The following MAST2 variants were observed in gnomAD, a reference collection of about 807,000 sequenced individuals.
The protein encoded by MAST2 is microtubule associated serine/threonine kinase 2.
MAST2 carries 70 observed loss-of-function variants against 147.4 expected under a neutral mutation model. That is an observed-to-expected ratio of 0.47 (90% CI 0.39 to 0.58). The LOEUF (loss-of-function observed/expected upper bound fraction) is 0.58, where lower values mean the gene tolerates loss of function less well. Among genes scored for constraint, MAST2 ranks in the 20% least tolerant of loss-of-function variants. The pLI is 0.00. For synonymous variants in MAST2, 869 were observed against 896.8 expected (o/e 0.97, Z 0.55); for missense variants, 2,080 against 2,302.3 (o/e 0.90, Z 1.98).
At chr1:45,924,423 G>A (rs1449901966) in intron 4 of MAST2, among the ~76,000 whole-genome samples, 6 of 152,118 alleles carry the variant, frequency 3.9e-5, no homozygotes, top group African/African-American at 9.7e-5. Flanking sequence ...GTGCATAAGT[G>A]AAGAACTGAA....
intron 7 of MAST2, among the ~76,000 whole-genome samples, chr1:46,004,857 A>G (rs1645420664): frequency 6.6e-6 from 1 of 152,190 alleles, no homozygotes; most frequent in South Asian, 2.1e-4. Context: ...GAGAGGTCAA[A>G]GCAGGAGTTC....
chr1:45,909,810 C>G (rs1651381731), intron 4 of MAST2, among the ~76,000 whole-genome samples: 1 of 151,874 alleles, frequency 6.6e-6, no homozygotes, highest in African/African-American at 2.4e-5. Flanking sequence ...GCCACCCCAC[C>G]TGGCCCTTTC....
intron 4 of MAST2, among the ~76,000 whole-genome samples, chr1:45,925,862 C>T (rs1226597773): frequency 6.6e-6 from 1 of 152,204 alleles, no homozygotes; most frequent in Admixed American, 6.5e-5. Context: ...TCCAGTGGTA[C>T]CAATTTAGTT....
intron 4 of MAST2, among the ~76,000 whole-genome samples, chr1:45,944,239 C>A (rs765002505): frequency 4.6e-5 from 7 of 152,084 alleles, no homozygotes; most frequent in Non-Finnish European, 7.4e-5. Flanking sequence ...TGTAAGCCAC[C>A]CACATTTTAA....
intron 4 of MAST2, among the ~76,000 whole-genome samples, chr1:45,935,828 T>G (rs1302179311): frequency 1.3e-5 from 2 of 152,204 alleles, no homozygotes; most frequent in East Asian, 3.9e-4. Flanking sequence ...GTATAATGCC[T>G]CTGGAATTGT....
rs1283443577 is a variant in MAST2, at chr1:45,984,359, A to C, written c.593-13365A>C. Among the ~76,000 whole-genome samples, 6 of 150,996 alleles carry C rather than the reference A, an allele frequency of 4.0e-5. No individual in the cohort carries two copies. The East Asian group carries it at 7.8e-4, about 20-fold the overall frequency. On this transcript the variant is annotated intron_variant, in intron 5 of 28. Coordinates refer to ENST00000361297, the MANE Select transcript of MAST2 (RefSeq NM_015112.3). ...CATTCTTTCAACTAGGCTACAGTGC[A>C]GTGACACAATCGTGGCTCACTGCAG...
chr1:45,939,542 TG>T (rs869310576), intron 4 of MAST2, among the ~76,000 whole-genome samples: 5 of 134,106 alleles, frequency 3.7e-5, no homozygotes, highest in African/African-American at 5.4e-5. Flanking sequence ...AATTTTTTTT[TG>T]GGGGGGTGGG....
chr1:45,930,512 T>C (rs912008035), intron 4 of MAST2, among the ~76,000 whole-genome samples: 3 of 152,176 alleles, frequency 2.0e-5, no homozygotes, highest in Non-Finnish European at 4.4e-5. Context: ...TACATTCAAC[T>C]GCATACTAGG....
rs1557883752 is a variant in MAST2 at position 45,900,444 on chromosome 1, A to ATTTTT, written c.500+18050_500+18051insTTTTT. On this transcript the variant is annotated intron_variant, in intron 4 of 28. Transcript: ENST00000361297. ...TTTCTCTGATGATTAGTGATGTTGG[A>ATTTTT]TATTTTTTTTTTTTTTTTTTTTTTT... 1.3e-3 allele frequency among the ~76,000 whole-genome samples: 20 copies of ATTTTT among 14,878 alleles called. 4 individuals are homozygous for ATTTTT. The highest frequency in any genetic ancestry group is 4.5e-3 in the African/African-American group (10 of 2,228). The allele number at this position is 14,878 out of a possible 152,430, so 9.8% of individuals were successfully genotyped here. A position where few individuals can be genotyped will look rare whatever the true frequency, so the allele number is the denominator to read the frequency against.
intron 9 of MAST2, among the ~76,000 whole-genome samples, chr1:46,009,466 C>T (rs926080203): frequency 7.9e-5 from 12 of 152,204 alleles, no homozygotes; most frequent in African/African-American, 2.9e-4. Context: ...AGAACCTGTG[C>T]CCTGTGGTCT....
Position 46,029,814 on chromosome 1 carries a change from G to GT in MAST2, c.2321-16dup, listed in dbSNP as rs771290156. Reference sequence around the variant, plus strand: ...CTGCTCATCCTACCCCCTTGCCCATGTCCTCCCTGTCCACAGGCAGTGCCT... The same window carrying GT: ...CTGCTCATCCTACCCCCTTGCCCATGTTCCTCCCTGTCCACAGGCAGTGCCT... On this transcript the variant is annotated splice_polypyrimidine_tract_variant and intron_variant, in intron 19 of 28. Transcript: ENST00000361297. The GT allele has an allele frequency of 3.1e-6, 5 of 1,613,438 alleles. No individual in the cohort carries two copies. The highest frequency in any genetic ancestry group is 1.7e-4 in the Middle Eastern group (1 of 6,044).
intron 3 of MAST2, among the ~76,000 whole-genome samples, chr1:45,879,700 A>T (rs969973658): frequency 6.6e-6 from 1 of 152,152 alleles, no homozygotes; most frequent in Non-Finnish European, 1.5e-5. Context: ...TTATAATTCA[A>T]TAGTAAAAAG....
intron 1 of MAST2, among the ~76,000 whole-genome samples, chr1:45,810,886 T>C (rs1473547044): frequency 1.4e-5 from 2 of 141,678 alleles, no homozygotes; most frequent in African/African-American, 5.2e-5. Context: ...GCAGTCTTGC[T>C]CTGTGGCCCA....
At position 46,034,862 on chromosome 1, in the gene MAST2, G is replaced by T. The variant is rs200033050; in HGVS notation, c.4193G>T (p.Arg1398Leu). 4 of 1,614,068 alleles carry T rather than the reference G, an allele frequency of 2.5e-6. No individual in the cohort carries two copies. The African/African-American group carries it at 4.0e-5, about 16-fold the overall frequency. The part of the protein sequence containing the change: ...LSRPKSAEPP[R>L]SPLLKRVQSA... Reference sequence around the variant, plus strand: ...CGGCCCAAGAGTGCGGAGCCACCCCGTTCACCACTACTCAAGAGGGTGCAG... The same window carrying T: ...CGGCCCAAGAGTGCGGAGCCACCCCTTTCACCACTACTCAAGAGGGTGCAG... Residue 1398 changes from arginine to leucine, a missense_variant, in exon 29 of 29, where the codon CGT becomes CTT. By Grantham distance (102) the Arg-to-Leu change is moderately radical. Coordinates refer to ENST00000361297, the MANE Select transcript of MAST2 (RefSeq NM_015112.3).
chr1:45,835,707 G>T (rs6674105), intron 3 of MAST2, among the ~76,000 whole-genome samples: 121,132 of 152,034 alleles, frequency 0.8, 48,728 homozygotes, highest in East Asian at 0.98. Context: ...TTTAAGACAT[G>T]TTCACCACCA....
At chr1:45,884,863 A>G (rs1647014215) in intron 4 of MAST2, among the ~76,000 whole-genome samples, 1 of 152,194 alleles carries the variant, frequency 6.6e-6, no homozygotes, top group Admixed American at 6.5e-5. Flanking sequence ...CCATACTTGT[A>G]AAATGAAGGG....
intron 4 of MAST2, among the ~76,000 whole-genome samples, chr1:45,911,853 ATATTATTATTATTATTATTAT>A (rs10595888): frequency 1.0e-4 from 14 of 135,798 alleles, no homozygotes; most frequent in South Asian, 4.9e-4. Flanking sequence ...TATTATTGTT[ATATTATTATTATTATTATTAT>A]TATTATTATT....
At chr1:45,893,410 G>C (rs1406985340) in intron 4 of MAST2, among the ~76,000 whole-genome samples, 1 of 150,874 alleles carries the variant, frequency 6.6e-6, no homozygotes, top group African/African-American at 2.4e-5. Flanking sequence ...TTAATTTTTT[G>C]CAGGGGGCGG....
At chr1:45,870,241 C>A (rs1211873085) in intron 3 of MAST2, among the ~76,000 whole-genome samples, 1 of 151,970 alleles carries the variant, frequency 6.6e-6, no homozygotes, top group Admixed American at 6.6e-5. Context: ...CTTTGTATAC[C>A]TGTTTGACAT....
Sources: gnomAD v4.1 joint callset for allele counts (sites outside exome capture counted in the v4.1 genomes callset) on GRCh38, gnomAD v4.1.1 for gene constraint, MANE v1.5 for transcripts, NCBI Gene and HGNC (gene_info 2026-07-23, HGNC 2026-07-21) for gene names.